PRPF6: variants seen among roughly 807,000 people sequenced by gnomAD.
The protein encoded by PRPF6 is pre-mRNA-processing factor 6.
In PRPF6, 42 loss-of-function variants were observed where a neutral mutation model predicts 118.3. That is an observed-to-expected ratio of 0.35 (90% CI 0.28 to 0.46). The LOEUF (loss-of-function observed/expected upper bound fraction) is 0.46. Among genes scored for constraint, PRPF6 ranks in the 20% least tolerant of loss-of-function variants. The pLI, the probability that PRPF6 is intolerant of heterozygous loss-of-function variation, is 1.00. For missense variants in PRPF6, 662 were observed against 1,255.7 expected (o/e 0.53, Z 7.15); for synonymous variants, 481 against 485.1 (o/e 0.99, Z 0.11).
At position 64,011,327 on chromosome 20, in the gene PRPF6, C is replaced by T; in HGVS notation, c.1348C>T (p.Arg450Cys). The change falls in exon 11 of 21, where the codon CGC becomes TGC. Residue 450 changes from arginine (R) to cysteine (C), a missense_variant. This residue lies in a region of PRPF6 where 189 missense variants were observed against 323.5 expected (regional missense o/e 0.58). Coordinates refer to ENST00000266079, the MANE Select transcript of PRPF6 (RefSeq NM_012469.4). The surrounding 1 kb of genome is among the most constrained non-coding windows in gnomAD (Gnocchi z 6.7). Reference sequence around the variant, plus strand: ...AAGGCTGGAGACCTATGAAAATGCCCGCAAGGTCTTGAACAAGGCGCGGGA... The same window carrying T: ...AAGGCTGGAGACCTATGAAAATGCCTGCAAGGTCTTGAACAAGGCGCGGGA... ...LARLETYENA[R>C]KVLNKARENI... 1 of 1,614,180 alleles carries T rather than the reference C, an allele frequency of 6.2e-7. No homozygotes were observed. Among genetic ancestry groups the T allele is most frequent in the Non-Finnish European group, 8.5e-7 (1 of 1,180,028 alleles).
chr20:64,000,973 T>C (rs1433400093), intron 8 of PRPF6, 104 bp from the exon 9 acceptor site: 1 of 1,352,536 alleles, frequency 7.4e-7, no homozygotes, highest in Admixed American at 1.7e-5. Flanking sequence ...TTGGCTTTCG[T>C]AAATTCTGGG....
rs1021327099 is a variant in PRPF6, at chr20:64,022,886, G to C, written c.1769+8G>C. On this transcript the variant is annotated splice_region_variant and intron_variant, in intron 13 of 20. Transcript: ENST00000266079. ...GAAGAACCATGGCACTCGGTATGTG[G>C]TGGGACCCGCCTGCCCAAGGGTGCT... The C allele has an allele frequency of 6.2e-7, 1 of 1,613,858 alleles. No individual in the cohort carries two copies. The highest frequency in any genetic ancestry group is 1.3e-5 in the African/African-American group (1 of 74,928).
rs781456269 is a variant in PRPF6, at chr20:64,031,872, G to T, written c.2547-46G>T. On this transcript the variant is annotated intron_variant, in intron 19 of 20. Coordinates refer to ENST00000266079, the MANE Select transcript of PRPF6 (RefSeq NM_012469.4). Reference sequence around the variant, plus strand: ...AGCCGTTCCCCTGCCCCAGAATACCGTCCTGCAGCCACTCACTCTGGGTTC... The same window carrying T: ...AGCCGTTCCCCTGCCCCAGAATACCTTCCTGCAGCCACTCACTCTGGGTTC... 8.1e-6 allele frequency: 13 copies of T among 1,613,492 alleles called. No homozygotes were observed. The South Asian group carries it at 1.3e-4, about 16-fold the overall frequency.
At chr20:63,990,632 G>T (rs948248616) in intron 3 of PRPF6, among the ~76,000 whole-genome samples, 2 of 150,414 alleles carry the variant, frequency 1.3e-5, no homozygotes, top group Non-Finnish European at 3.0e-5. Flanking sequence ...ACCACACCCA[G>T]CTAATTTTTC....
intron 11 of PRPF6, among the ~76,000 whole-genome samples, chr20:64,013,037 T>G (rs1488374089): frequency 1.3e-5 from 2 of 151,622 alleles, no homozygotes; most frequent in South Asian, 2.1e-4. Context: ...CGATCTTGGC[T>G]TACTGCAACC....
rs111363019 is a variant in PRPF6 at position 64,021,988 on chromosome 20, C to CTGTGTGTGTGTGTG, written c.1648-754_1648-741dup. Among the ~76,000 whole-genome samples, 68 of 135,832 alleles carry CTGTGTGTGTGTGTG rather than the reference C, an allele frequency of 5.0e-4. 1 individual carries two copies. The South Asian group carries it at 8.7e-3, about 17-fold the overall frequency. The allele number at this position is 135,832 out of a possible 152,430, so 89.1% of individuals were successfully genotyped here. A position where few individuals can be genotyped will look rare whatever the true frequency, so the allele number is the denominator to read the frequency against. ...GTATGCATATGCCTCGGCCACAGCC[C>CTGTGTGTGTGTGTG]TGTGTGTGTGTGTGTGTGTGTGTGT... is the stretch of plus-strand genomic sequence containing the variant. On this transcript the variant is annotated intron_variant, in intron 12 of 20. Transcript: ENST00000266079.
At position 63,983,010 on chromosome 20, in the gene PRPF6, T is replaced by A. The variant is rs776766334; in HGVS notation, c.72-37T>A. On this transcript the variant is annotated intron_variant, in intron 1 of 20. Coordinates refer to ENST00000266079, the MANE Select transcript of PRPF6 (RefSeq NM_012469.4). Reference sequence around the variant, plus strand: ...AGTGGAGAAGAGCACAGGAACAGAGTTATTCAGACACCCGGTGTCTTGGGG... The same window carrying A: ...AGTGGAGAAGAGCACAGGAACAGAGATATTCAGACACCCGGTGTCTTGGGG... 1.9e-6 allele frequency: 3 copies of A among 1,609,324 alleles called. No homozygotes were observed. In the African/African-American group the frequency reaches 4.0e-5, roughly 22 times the overall value.
intron 12 of PRPF6, among the ~76,000 whole-genome samples, chr20:64,017,338 G>A (rs2059243301): frequency 6.7e-6 from 1 of 148,844 alleles, no homozygotes; most frequent in Non-Finnish European, 1.5e-5. Context: ...GCCTCCCAGA[G>A]TGCTGGGATC....
chr20:63,985,760 A>G (rs149202085), intron 3 of PRPF6, among the ~76,000 whole-genome samples: 1 of 152,374 alleles, frequency 6.6e-6, no homozygotes, highest in Non-Finnish European at 1.5e-5. Context: ...CAAAGCTGTA[A>G]CAGAAAGTGT....
rs561338067 is a variant in PRPF6 at position 63,993,199 on chromosome 20, G to C, written c.360-208G>C. Among the ~76,000 whole-genome samples the C allele has an allele frequency of 2.0e-5, 3 of 149,668 alleles. No individual in the cohort carries two copies. The Admixed American group carries it at 2.0e-4, about 10-fold the overall frequency. ...CCACTGCACTTTAGCCTGGGTGACA[G>C]AGCAAGACTCCATCTCAAAAAAAAA... On this transcript the variant is annotated intron_variant, in intron 3 of 20. Coordinates refer to ENST00000266079, the MANE Select transcript of PRPF6 (RefSeq NM_012469.4).
Position 63,995,017 on chromosome 20 carries a change from C to G in PRPF6, c.540C>G (p.Thr180=). ...GGAACCCACGCTATGAGAAGCTGAC[C>G]CCTGTTCCTGACAGTTTCTTTGCCA... ...RQRNPRYEKL[T]PVPDSFFAKH... The change falls in exon 5 of 21, where the codon ACC becomes ACG. Residue 180 remains threonine (T), a synonymous_variant. Coordinates refer to ENST00000266079, the MANE Select transcript of PRPF6 (RefSeq NM_012469.4). 6.2e-7 allele frequency: 1 copy of G among 1,614,116 alleles called. No homozygotes were observed. Among genetic ancestry groups the G allele is most frequent in the Non-Finnish European group, 8.5e-7 (1 of 1,180,028 alleles).
rs2059303043 is a variant in PRPF6 at position 64,028,912 on chromosome 20, G to C, written c.2431+343G>C. ...GTGGTGGCTCATGCCTGTAATCTCA[G>C]CACTTTGAGAGACTGAGGCGGGAGG... On this transcript the variant is annotated intron_variant, in intron 18 of 20. Transcript: ENST00000266079. The surrounding 1 kb of genome is among the most constrained non-coding windows in gnomAD (Gnocchi z 6.5). 6.6e-6 allele frequency among the ~76,000 whole-genome samples: 1 copy of C among 152,152 alleles called. No homozygotes were observed. The highest frequency in any genetic ancestry group is 2.4e-5 in the African/African-American group (1 of 41,434).
At chr20:63,991,205 C>T (rs1294512324) in intron 3 of PRPF6, among the ~76,000 whole-genome samples, 2 of 151,908 alleles carry the variant, frequency 1.3e-5, no homozygotes, top group Non-Finnish European at 2.9e-5. Flanking sequence ...AGGAGGACCA[C>T]TTGAGTCTAG....
chr20:64,010,545 A>G (rs1271194659), intron 10 of PRPF6, among the ~76,000 whole-genome samples: 1 of 152,204 alleles, frequency 6.6e-6, no homozygotes, highest in Non-Finnish European at 1.5e-5. Context: ...TGCAGGGAGA[A>G]TCTTAGCTCA....
At chr20:64,024,479 C>T (rs1052998345) in intron 13 of PRPF6, 76 bp from the exon 14 acceptor site, 2 of 1,574,514 alleles carry the variant, frequency 1.3e-6, no homozygotes, top group African/African-American at 2.7e-5. Flanking sequence ...TCTGGCGTGC[C>T]CACGCCATGG....
Position 64,027,227 on chromosome 20 carries a change from G to T in PRPF6, c.2205+69G>T. The T allele has an allele frequency of 6.3e-7, 1 of 1,580,930 alleles. No homozygotes were observed. Among genetic ancestry groups the T allele is most frequent in the South Asian group, 1.1e-5 (1 of 89,026 alleles). ...TCACAAAACTGAGCCCCCTGGTGCA[G>T]GGTCATTGCCCTTCGCCTCTGAGGA... On this transcript the variant is annotated intron_variant, in intron 16 of 20. Transcript: ENST00000266079. The surrounding 1 kb of genome is among the most constrained non-coding windows in gnomAD (Gnocchi z 6.5).
rs1407429646 is a variant in PRPF6 at position 63,981,188 on chromosome 20, C to G, written c.-58C>G. 1 of 1,535,122 alleles carries G rather than the reference C, an allele frequency of 6.5e-7. No homozygotes were observed. The highest frequency in any genetic ancestry group is 8.9e-7 in the Non-Finnish European group (1 of 1,127,860). On this transcript the variant is annotated 5_prime_UTR_variant, in exon 1 of 21. Transcript: ENST00000266079. The stretch of plus-strand genomic sequence containing the variant: ...ACGTCGAAGCCTAGAGTCTCTGCGT[C>G]TTTCCCTCTTCCGCTGCCTCATTCC...
intron 9 of PRPF6, among the ~76,000 whole-genome samples, chr20:64,009,892 G>A (rs1439729640): frequency 6.6e-6 from 1 of 152,152 alleles, no homozygotes; most frequent in Non-Finnish European, 1.5e-5. Flanking sequence ...AAACTGTTTT[G>A]GGACTGGTTT....
intron 2 of PRPF6, among the ~76,000 whole-genome samples, chr20:63,983,916 G>C (rs886209355): frequency 6.6e-6 from 1 of 152,150 alleles, no homozygotes; most frequent in African/African-American, 2.4e-5. Context: ...GCTTCCCAAA[G>C]TGTTGGGATT....
Sources: gnomAD v4.1 joint callset for allele counts (sites outside exome capture counted in the v4.1 genomes callset) on GRCh38, gnomAD v4.1.1 for gene constraint, gnomAD v4.1.1 regional missense constraint, Gnocchi (gnomAD v3.1) non-coding constraint, MANE v1.5 for transcripts, NCBI Gene and HGNC (gene_info 2026-07-23, HGNC 2026-07-21) for gene names.